Variants in SSH2 observed in about 807,000 individuals in gnomAD.
SSH2 encodes the protein slingshot protein phosphatase 2.
In SSH2, 37 loss-of-function variants were observed where a neutral mutation model predicts 135.2. The observed-to-expected ratio is 0.27, with a 90% CI of 0.21 to 0.36. SSH2 has a LOEUF of 0.36. Ranked by LOEUF, SSH2 falls within the 10% of genes least tolerant of loss-of-function variation. The pLI is 1.00. For missense variants in SSH2, 1,408 were observed against 1,765.3 expected (o/e 0.80, Z 3.63); for synonymous variants, 628 against 646.2 (o/e 0.97, Z 0.43).
At chr17:29,802,947 C>T (rs989735674) in intron 2 of SSH2, among the ~76,000 whole-genome samples, 6 of 152,094 alleles carry the variant, frequency 3.9e-5, no homozygotes, top group Non-Finnish European at 2.9e-5. Flanking sequence ...TAGGAGGTAT[C>T]TATCAGACAG....
chr17:29,868,509 G>A (rs775148167), intron 1 of SSH2, among the ~76,000 whole-genome samples: 5 of 152,010 alleles, frequency 3.3e-5, no homozygotes, highest in African/African-American at 7.2e-5. Flanking sequence ...AGGCCGAGGC[G>A]GGCAGATTGC....
chr17:29,692,581 T>C (rs916559860), intron 5 of SSH2, among the ~76,000 whole-genome samples: 2 of 152,248 alleles, frequency 1.3e-5, no homozygotes, highest in East Asian at 1.9e-4. Context: ...AGTCTCTATG[T>C]AGTTAAAATT....
intron 3 of SSH2, chr17:29,793,689 C>A (rs2042111158): frequency 4.1e-6 from 2 of 483,340 alleles, no homozygotes; most frequent in Non-Finnish European, 3.8e-6. Context: ...AAACTCCTGG[C>A]CTTAAGCAAT....
At chr17:29,670,208 A>G (rs1353035159) in intron 9 of SSH2, among the ~76,000 whole-genome samples, 1 of 152,124 alleles carries the variant, frequency 6.6e-6, no homozygotes, top group Non-Finnish European at 1.5e-5. Context: ...AAAATATGGG[A>G]AAAATGGGAA....
intron 4 of SSH2, among the ~76,000 whole-genome samples, chr17:29,699,145 C>T (rs2038881066): frequency 6.6e-6 from 1 of 152,216 alleles, no homozygotes; most frequent in South Asian, 2.1e-4. Context: ...ACCTTCCCTA[C>T]ATTTCCCTAC....
rs756960341 is a variant in SSH2, at chr17:29,676,837, T to C, written c.597A>G (p.Val199=). Residue 199 remains valine (V), a synonymous_variant, in exon 8 of 16, where the codon GTA becomes GTG. Transcript: ENST00000540801. ...CATCTTACCACATTGCCTGCACAGA[T>C]ACAGGTTTGAATATGTGAACTCTGT... ...TDNRVHIFKP[V]SVQAMWSALQ... 1 of 1,613,886 alleles carries C rather than the reference T, an allele frequency of 6.2e-7. No individual in the cohort carries two copies. Among genetic ancestry groups the C allele is most frequent in the Non-Finnish European group, 8.5e-7 (1 of 1,179,830 alleles).
chr17:29,787,425 TG>T, intron 3 of SSH2: 2 of 152,358 alleles, frequency 1.3e-5, no homozygotes, highest in South Asian at 4.1e-4. Flanking sequence ...TGAATAATGT[TG>T]CTATGAACAC....
At position 29,867,746 on chromosome 17, in the gene SSH2, G is replaced by T. The variant is rs555659415; in HGVS notation, c.64-18817C>A. ...TTACTTAGAATGCTGAGACTACAAA[G>T]TTAGGTGTCAGATGATTGTGAAAAG... On this transcript the variant is annotated intron_variant, in intron 1 of 15. Transcript: ENST00000540801. 5.3e-5 allele frequency among the ~76,000 whole-genome samples: 8 copies of T among 152,308 alleles called. No homozygotes were observed. In the East Asian group the frequency reaches 1.4e-3, roughly 26 times the overall value.
chr17:29,786,495 G>A (rs1001313994), intron 3 of SSH2, among the ~76,000 whole-genome samples: 4 of 152,110 alleles, frequency 2.6e-5, no homozygotes, highest in African/African-American at 9.7e-5. Flanking sequence ...AATCATCTGT[G>A]AGCCTAAATT....
chr17:29,883,521 A>T (rs1012697752), intron 1 of SSH2, among the ~76,000 whole-genome samples: 15 of 152,236 alleles, frequency 9.9e-5, no homozygotes, highest in Non-Finnish European at 1.9e-4. Context: ...GTATATAAAT[A>T]GAAATTTTTA....
chr17:29,865,582 C>T (rs1054378395), intron 1 of SSH2, among the ~76,000 whole-genome samples: 4 of 152,132 alleles, frequency 2.6e-5, no homozygotes, highest in African/African-American at 9.7e-5. Context: ...AAAATCATTC[C>T]TTGAAGGGGA....
At chr17:29,917,753 G>A (rs1037992617) in intron 1 of SSH2, among the ~76,000 whole-genome samples, 1 of 152,008 alleles carries the variant, frequency 6.6e-6, no homozygotes, top group Non-Finnish European at 1.5e-5. Context: ...TACTCGGGAG[G>A]CTGAGGCAGA....
chr17:29,756,451 TA>T (rs2041125952), intron 3 of SSH2, among the ~76,000 whole-genome samples: 1 of 114,420 alleles, frequency 8.7e-6, no homozygotes, highest in Non-Finnish European at 2.0e-5. Context: ...CCTGCCTGCC[TA>T]TCTGTCTATC....
chr17:29,725,623 T>C (rs1228882049), intron 3 of SSH2, among the ~76,000 whole-genome samples: 2 of 152,178 alleles, frequency 1.3e-5, no homozygotes, highest in Non-Finnish European at 2.9e-5. Flanking sequence ...CTGGAAAACA[T>C]CATTCTCAAC....
At chr17:29,836,851 A>C (rs1291312794) in intron 2 of SSH2, among the ~76,000 whole-genome samples, 1 of 152,248 alleles carries the variant, frequency 6.6e-6, no homozygotes, top group Admixed American at 6.5e-5. Context: ...TACAACTCTC[A>C]TGACATTTGT....
chr17:29,746,571 A>T (rs1219889233), intron 3 of SSH2, among the ~76,000 whole-genome samples: 6 of 141,468 alleles, frequency 4.2e-5, no homozygotes, highest in African/African-American at 1.5e-4. Flanking sequence ...AAAAAAAAAA[A>T]AGGAAAAAAG....
At chr17:29,771,482 G>C (rs2041585288) in intron 3 of SSH2, among the ~76,000 whole-genome samples, 1 of 152,128 alleles carries the variant, frequency 6.6e-6, no homozygotes, top group Admixed American at 6.6e-5. Context: ...TAAAGAATCA[G>C]TACATTAATG....
chr17:29,860,436 C>T (rs1230546620), intron 1 of SSH2, among the ~76,000 whole-genome samples: 1 of 127,882 alleles, frequency 7.8e-6, no homozygotes, highest in Non-Finnish European at 1.7e-5. Context: ...GGCCTTTGCC[C>T]ACTTTTTTTT....
intron 1 of SSH2, among the ~76,000 whole-genome samples, chr17:29,868,382 G>A (rs915275489): frequency 6.6e-6 from 1 of 152,126 alleles, no homozygotes; most frequent in Non-Finnish European, 1.5e-5. Context: ...CAACACCATA[G>A]GGAGGTTGCC....
Sources: gnomAD v4.1 joint callset for allele counts (sites outside exome capture counted in the v4.1 genomes callset) on GRCh38, gnomAD v4.1.1 for gene constraint, MANE v1.5 for transcripts, NCBI Gene and HGNC (gene_info 2026-07-23, HGNC 2026-07-21) for gene names.